Variants in ATP6V0A1 observed in about 807,000 individuals in gnomAD.
ATP6V0A1 encodes the protein ATPase H+ transporting V0 subunit a1.
Under a neutral mutation model 105.4 loss-of-function variants are expected in ATP6V0A1, and 43 were observed. The observed-to-expected ratio is 0.41, with a 90% CI of 0.32 to 0.53. The LOEUF (loss-of-function observed/expected upper bound fraction) is 0.53. Among genes scored for constraint, ATP6V0A1 ranks in the 20% least tolerant of loss-of-function variants. ATP6V0A1 has a pLI of 0.30. For synonymous variants in ATP6V0A1, 362 were observed against 372.8 expected, an observed-to-expected ratio of 0.97 and a Z score of 0.33; for missense variants, 676 against 1,051.1, an observed-to-expected ratio of 0.64 and a Z score of 4.93.
intron 9 of ATP6V0A1, among the ~76,000 whole-genome samples, chr17:42,484,764 C>T (rs547317829): frequency 2.0e-5 from 3 of 152,212 alleles, no homozygotes; most frequent in African/African-American, 7.2e-5. Flanking sequence ...CATACTTAAT[C>T]CCAAAGGCAG....
rs549494999 is a variant in ATP6V0A1, at chr17:42,499,558, G to A, written c.1679+516G>A. On this transcript the variant is annotated intron_variant, in intron 15 of 21. Coordinates refer to ENST00000343619, the MANE Select transcript of ATP6V0A1 (RefSeq NM_001130021.3). ...ATCCAGCACTTTGGGAAGATGAGGC[G>A]GGCAGATCACTTGAGGTCAGGAGTT... 1.6e-4 allele frequency among the ~76,000 whole-genome samples: 24 copies of A among 151,306 alleles called. No individual in the cohort carries two copies. The East Asian group carries it at 2.2e-3, about 14-fold the overall frequency.
chr17:42,494,816 C>G, intron 12 of ATP6V0A1: 2 of 508,210 alleles, frequency 3.9e-6, no homozygotes, highest in Non-Finnish European at 6.7e-6. Context: ...TGGCCAAAAC[C>G]GCAGTAACTT....
At chr17:42,495,272 T>C in intron 13 of ATP6V0A1, 84 bp downstream of exon 13, 3 of 1,445,866 alleles carry the variant, frequency 2.1e-6, no homozygotes, top group Non-Finnish European at 1.9e-6. Context: ...AAACTGACAC[T>C]TCTTTAGGAA....
chr17:42,479,037 C>G (rs1403331885), intron 7 of ATP6V0A1: 1 of 152,596 alleles, frequency 6.6e-6, no homozygotes, highest in Non-Finnish European at 1.5e-5. Flanking sequence ...TCCCGAGTAG[C>G]TGGGGATTAC....
chr17:42,493,191 A>G (rs372025907), intron 11 of ATP6V0A1, among the ~76,000 whole-genome samples: 2 of 152,348 alleles, frequency 1.3e-5, no homozygotes, highest in East Asian at 3.9e-4. Context: ...GTTAGACAGA[A>G]AAAATGTAGC....
At chr17:42,508,483 C>T in intron 18 of ATP6V0A1, 89 bp from the exon 19 acceptor site, 1 of 1,550,904 alleles carries the variant, frequency 6.4e-7, no homozygotes, top group Non-Finnish European at 8.9e-7. Flanking sequence ...AACAGTCCTC[C>T]CCAAGAAGCA....
At chr17:42,486,236 C>A (rs1407308953) in intron 9 of ATP6V0A1, among the ~76,000 whole-genome samples, 5 of 152,020 alleles carry the variant, frequency 3.3e-5, no homozygotes, top group African/African-American at 9.7e-5. Flanking sequence ...CATGGTGAAA[C>A]CCCGTCTCTA....
intron 10 of ATP6V0A1, among the ~76,000 whole-genome samples, chr17:42,489,939 CAGG>C (rs1421420874): frequency 2.6e-5 from 4 of 152,152 alleles, no homozygotes; most frequent in Non-Finnish European, 5.9e-5. Context: ...GGTCAGCGAG[CAGG>C]AGGAGAACTC....
Position 42,483,038 on chromosome 17 carries a change from G to A in ATP6V0A1, c.717G>A (p.Gly239=). Residue 239 remains glycine, a splice_region_variant and synonymous_variant, in exon 9 of 22, where the codon GGG becomes GGA. Coordinates refer to ENST00000343619, the MANE Select transcript of ATP6V0A1 (RefSeq NM_001130021.3). The stretch of plus-strand genomic sequence containing the variant: ...AAACTTCGATGTTCTTATATTCCAG[G>A]TTCCGAGCCTCACTCTATCCCTGTC... ...LKNRVKKICE[G]FRASLYPCPE... is the part of the protein sequence containing the mutation. 6.8e-7 allele frequency: 1 copy of A among 1,478,666 alleles called. No homozygotes were observed. Among genetic ancestry groups the A allele is most frequent in the Non-Finnish European group, 9.0e-7 (1 of 1,108,302 alleles). 91.6% of individuals were successfully genotyped at this position (1,478,666 alleles called of 1,614,324 possible).
intron 17 of ATP6V0A1, among the ~76,000 whole-genome samples, chr17:42,506,421 C>T (rs2092027910): frequency 6.6e-6 from 1 of 152,194 alleles, no homozygotes; most frequent in Non-Finnish European, 1.5e-5. Flanking sequence ...CTGAGGTGGG[C>T]ATTAAACTGT....
At chr17:42,484,852 C>CT (rs10711845) in intron 9 of ATP6V0A1, among the ~76,000 whole-genome samples, 236 of 112,156 alleles carry the variant, frequency 2.1e-3, no homozygotes, top group Middle Eastern at 0.014. Context: ...CTTTTCTTTT[C>CT]TTTTTTTTTT....
At chr17:42,482,916 A>AT in intron 8 of ATP6V0A1, 122 bp from the exon 9 acceptor site, 2 of 433,904 alleles carry the variant, frequency 4.6e-6, no homozygotes, top group Non-Finnish European at 7.2e-6. Context: ...AAAAAAAAAA[A>AT]GTGTTGACTT....
chr17:42,462,184 C>A (rs577632669), intron 2 of ATP6V0A1, among the ~76,000 whole-genome samples: 1 of 151,000 alleles, frequency 6.6e-6, no homozygotes, highest in East Asian at 1.9e-4. Context: ...CACTGCACTC[C>A]AGCCTGGGTG....
Position 42,498,977 on chromosome 17 carries a change from G to A in ATP6V0A1, c.1614G>A (p.Lys538=). Reference sequence around the variant, plus strand: ...CGTTCTTGAACTCCTTTAAGATGAAGATGTCTGTTATCCTTGGTATCATCC... The same window carrying A: ...CGTTCTTGAACTCCTTTAAGATGAAAATGTCTGTTATCCTTGGTATCATCC... ...KLTFLNSFKM[K]MSVILGIIHM... Residue 538 remains lysine (K), a synonymous_variant, in exon 15 of 22, where the codon AAG becomes AAA. Coordinates refer to ENST00000343619, the MANE Select transcript of ATP6V0A1 (RefSeq NM_001130021.3). 6.2e-7 allele frequency: 1 copy of A among 1,613,910 alleles called. No individual in the cohort carries two copies. Among genetic ancestry groups the A allele is most frequent in the Non-Finnish European group, 8.5e-7 (1 of 1,179,852 alleles).
At chr17:42,506,693 GC>G (rs1014122578) in intron 17 of ATP6V0A1, among the ~76,000 whole-genome samples, 1 of 152,182 alleles carries the variant, frequency 6.6e-6, no homozygotes, top group Admixed American at 6.5e-5. Flanking sequence ...ACTCATTTCT[GC>G]CTGGTTTTTT....
At chr17:42,520,188 C>T in intron 21 of ATP6V0A1, 1 of 342,314 alleles carries the variant, frequency 2.9e-6, no homozygotes, top group Non-Finnish European at 5.8e-6. Context: ...GGAAACTATT[C>T]CTCAGGGCAG....
chr17:42,491,593 C>T (rs1200166079), intron 11 of ATP6V0A1, among the ~76,000 whole-genome samples: 2 of 152,060 alleles, frequency 1.3e-5, no homozygotes, highest in Non-Finnish European at 2.9e-5. Flanking sequence ...AAGCGATTCT[C>T]CTGCCTCAGC....
chr17:42,507,669 G>C, intron 18 of ATP6V0A1, 42 bp downstream of exon 18: 1 of 1,525,304 alleles, frequency 6.6e-7, no homozygotes, highest in South Asian at 1.1e-5. Flanking sequence ...TCCACCTCGG[G>C]TCAGCCCTAG....
chr17:42,502,529 C>T (rs1223919207), intron 17 of ATP6V0A1, among the ~76,000 whole-genome samples: 2 of 152,014 alleles, frequency 1.3e-5, no homozygotes, highest in East Asian at 1.9e-4. Context: ...GTTAAATTTG[C>T]GAGATGTTCA....
Sources: allele counts gnomAD v4.1 joint callset (sites outside exome capture counted in the v4.1 genomes callset), GRCh38; gene constraint gnomAD v4.1.1; transcripts MANE v1.5; gene names NCBI Gene and HGNC (gene_info 2026-07-23, HGNC 2026-07-21).